MLIP: variants seen among roughly 807,000 people sequenced by gnomAD.
MLIP encodes the protein muscular LMNA interacting protein, also known as muscular LMNA-interacting protein.
A neutral mutation model predicts 84.8 loss-of-function variants in MLIP; 79 were observed. The observed-to-expected ratio is 0.93, with a 90% confidence interval of 0.78 to 1.12. The LOEUF (loss-of-function observed/expected upper bound fraction) is 1.12. Ranked by LOEUF, MLIP falls within the 50% of genes most tolerant of loss-of-function variation. MLIP has a pLI of 0.00. For missense variants in MLIP, 1,257 were observed against 1,160.6 expected (o/e 1.08, Z -1.21); for synonymous variants, 504 against 463.0 (o/e 1.09, Z -1.14).
At chr6:54,088,576 G>T (rs1216830669) in intron 1 of MLIP, among the ~76,000 whole-genome samples, 7 of 152,270 alleles carry the variant, frequency 4.6e-5, no homozygotes, top group Non-Finnish European at 1.5e-5. Context: ...AGAGCAGACT[G>T]GCTTCTCAAC....
intron 11 of MLIP, chr6:54,203,519 T>C (rs1778832201): frequency 1.3e-5 from 2 of 152,160 alleles, no homozygotes; most frequent in African/African-American, 4.8e-5. Context: ...ATCTCTTATC[T>C]GATGTGTTAG....
At chr6:54,184,517 G>C (rs771929709) in intron 9 of MLIP, among the ~76,000 whole-genome samples, 2 of 152,148 alleles carry the variant, frequency 1.3e-5, no homozygotes, top group Non-Finnish European at 2.9e-5. Flanking sequence ...GAGCTTGGCT[G>C]TTCTTTGTTT....
At chr6:54,208,164 A>G (rs887770130) in intron 11 of MLIP, among the ~76,000 whole-genome samples, 1 of 152,226 alleles carries the variant, frequency 6.6e-6, no homozygotes, top group African/African-American at 2.4e-5. Flanking sequence ...GAATGTTTTA[A>G]TTCTTTATTG....
intron 13 of MLIP, 129 bp from the exon 14 acceptor site, chr6:54,265,821 T>G (rs1186058890): frequency 1.3e-6 from 1 of 777,198 alleles, no homozygotes; most frequent in African/African-American, 1.8e-5. Context: ...AAAAATAAGC[T>G]TTTCCTATTG....
At chr6:54,251,840 A>C (rs1327479085) in intron 12 of MLIP, among the ~76,000 whole-genome samples, 1 of 80,942 alleles carries the variant, frequency 1.2e-5, no homozygotes, top group Non-Finnish European at 2.1e-5. Context: ...TATATATTAT[A>C]ACATATAATA....
chr6:54,224,130 C>T (rs754546216), intron 11 of MLIP, among the ~76,000 whole-genome samples: 2 of 151,630 alleles, frequency 1.3e-5, no homozygotes, highest in African/African-American at 2.4e-5. Flanking sequence ...CGATAAATAG[C>T]TAGAAAGCAG....
intron 11 of MLIP, among the ~76,000 whole-genome samples, chr6:54,229,725 A>G (rs1377624971): frequency 6.6e-6 from 1 of 152,220 alleles, no homozygotes; most frequent in Non-Finnish European, 1.5e-5. Flanking sequence ...GCCACATAGT[A>G]TTCCATGGTG....
chr6:54,091,164 C>T (rs598103), intron 1 of MLIP, among the ~76,000 whole-genome samples: 100,403 of 151,824 alleles, frequency 0.66, 35,530 homozygotes, highest in Non-Finnish European at 0.8. Flanking sequence ...AAAAAATCAC[C>T]CAGAATTGAG....
At chr6:54,236,486 C>T (rs895081218) in intron 12 of MLIP, among the ~76,000 whole-genome samples, 3 of 152,132 alleles carry the variant, frequency 2.0e-5, no homozygotes, top group African/African-American at 7.2e-5. Context: ...CCTGTAATCC[C>T]AGCTACTCAA....
At position 54,113,118 on chromosome 6, in the gene MLIP, A is replaced by G. The variant is rs73741434; in HGVS notation, c.96+1543A>G. Among the ~76,000 whole-genome samples the G allele has an allele frequency of 2.8e-3, 432 of 152,302 alleles. 1 individual carries two copies. The highest frequency in any genetic ancestry group is 9.8e-3 in the African/African-American group (408 of 41,564). The stretch of plus-strand genomic sequence containing the variant: ...TGTAACCATGGGGTGCTTATAATGA[A>G]GACTTTCATATATTATTTTTTAAAT... On this transcript the variant is annotated intron_variant, in intron 1 of 13. Transcript: ENST00000502396.
At chr6:54,214,842 C>G (rs113681080) in intron 11 of MLIP, among the ~76,000 whole-genome samples, 1 of 152,142 alleles carries the variant, frequency 6.6e-6, no homozygotes, top group African/African-American at 2.4e-5. Flanking sequence ...ATGTGGTCTC[C>G]GCAATGCTGA....
rs183771213 is a variant in MLIP, at chr6:54,030,039, C to G, written c.63+10948C>G. On this transcript the variant is annotated intron_variant, in intron 1 of 12. Transcript: ENST00000274897. Reference sequence around the variant, plus strand: ...GTGGTATACAAATTACTTCTTGTGTCTGGAGAAACCCTGGACTTGTGATTG... The same window carrying G: ...GTGGTATACAAATTACTTCTTGTGTGTGGAGAAACCCTGGACTTGTGATTG... 5.5e-4 allele frequency among the ~76,000 whole-genome samples: 83 copies of G among 152,238 alleles called. 1 individual carries two copies. In the East Asian group the frequency reaches 6.8e-3, roughly 12 times the overall value.
At chr6:54,172,715 A>G (rs1232266081) in intron 9 of MLIP, among the ~76,000 whole-genome samples, 1 of 151,438 alleles carries the variant, frequency 6.6e-6, no homozygotes, top group Non-Finnish European at 1.5e-5. Context: ...TGGAAAAAAA[A>G]AAAGAAAAAA....
At position 54,137,675 on chromosome 6, in the gene MLIP, A is replaced by G. The variant is rs1771935857; in HGVS notation, c.1606A>G (p.Met536Val). 2 of 1,535,928 alleles carry G rather than the reference A, an allele frequency of 1.3e-6. No homozygotes were observed. The highest frequency in any genetic ancestry group is 1.7e-6 in the Non-Finnish European group (2 of 1,146,830). Residue 536 changes from methionine to valine, a missense_variant, in exon 4 of 14, where the codon ATG becomes GTG. Transcript: ENST00000502396. ...ATCACCTACTTTGAAGAGCAATACC[A>G]TGCTCTCCCTGCTACAAACCAGTAC... ...TPSPTLKSNTMLSLLQTSTSS... is the reference protein window; with the variant it reads ...TPSPTLKSNTVLSLLQTSTSS...
chr6:54,061,483 T>C (rs1765960705), intron 1 of MLIP, among the ~76,000 whole-genome samples: 1 of 152,288 alleles, frequency 6.6e-6, no homozygotes, highest in East Asian at 1.9e-4. Flanking sequence ...CCTTCCCTAA[T>C]TGTAAAGTGG....
At chr6:54,031,378 G>A (rs543674290) in intron 1 of MLIP, 1 of 152,270 alleles carries the variant, frequency 6.6e-6, no homozygotes, top group African/African-American at 2.4e-5. Context: ...CCTTCTGCCT[G>A]TACCACCTTG....
At chr6:54,021,903 T>C (rs987143994) in intron 1 of MLIP, among the ~76,000 whole-genome samples, 11 of 152,336 alleles carry the variant, frequency 7.2e-5, no homozygotes, top group Admixed American at 3.3e-4. Context: ...CATTTCCACC[T>C]CTTTGAAAAC....
intron 12 of MLIP, among the ~76,000 whole-genome samples, chr6:54,234,172 G>C (rs1372791061): frequency 6.6e-6 from 1 of 152,090 alleles, no homozygotes; most frequent in Non-Finnish European, 1.5e-5. Flanking sequence ...TTAAGAGGAT[G>C]ATGCCTCTAG....
intron 4 of MLIP, among the ~76,000 whole-genome samples, chr6:54,143,725 C>T (rs551640698): frequency 2.2e-4 from 33 of 152,076 alleles, no homozygotes; most frequent in Middle Eastern, 3.4e-3. Context: ...GAACCATAGA[C>T]GAAGAACTAA....
Sources: allele counts gnomAD v4.1 joint callset (sites outside exome capture counted in the v4.1 genomes callset), GRCh38; gene constraint gnomAD v4.1.1; transcripts MANE v1.5; gene names NCBI Gene and HGNC (gene_info 2026-07-23, HGNC 2026-07-21).